The following CNTN5 variants were observed in gnomAD, a reference collection of about 807,000 sequenced individuals.
CNTN5 encodes contactin-5.
A neutral mutation model predicts 129.1 loss-of-function variants in CNTN5; 77 were observed. The observed-to-expected ratio is 0.60, with a 90% CI of 0.50 to 0.72. The LOEUF (loss-of-function observed/expected upper bound fraction) is 0.72, where lower values mean the gene tolerates loss of function less well. Ranked by LOEUF, CNTN5 falls within the 30% of genes least tolerant of loss-of-function variation. The pLI, the probability that CNTN5 is intolerant of heterozygous loss-of-function variation, is 0.00. For synonymous variants in CNTN5, 509 were observed against 465.6 expected (o/e 1.09, Z -1.20); for missense variants, 1,478 against 1,328.8 (o/e 1.11, Z -1.75).
intron 6 of CNTN5, among the ~76,000 whole-genome samples, chr11:99,900,319 T>A (rs1382548558): frequency 2.0e-5 from 3 of 151,772 alleles, no homozygotes; most frequent in African/African-American, 7.3e-5. Context: ...AAATCTTATA[T>A]TTTTTGTGTT....
At chr11:99,178,534 C>T (rs745708351) in intron 1 of CNTN5, among the ~76,000 whole-genome samples, 22 of 151,774 alleles carry the variant, frequency 1.4e-4, no homozygotes, top group Admixed American at 2.6e-4. Flanking sequence ...AAAAAGAGAA[C>T]GAAACCTAGC....
intron 3 of CNTN5, among the ~76,000 whole-genome samples, chr11:99,718,851 G>T (rs1943072378): frequency 6.6e-6 from 1 of 151,934 alleles, no homozygotes; most frequent in Non-Finnish European, 1.5e-5. Context: ...GAACTTAAAG[G>T]TCCTGTAGTA....
At chr11:99,977,125 G>A (rs1565745743) in intron 8 of CNTN5, among the ~76,000 whole-genome samples, 2 of 152,116 alleles carry the variant, frequency 1.3e-5, no homozygotes. Flanking sequence ...TAGGTCAGAG[G>A]CAAAATACCA....
intron 3 of CNTN5, among the ~76,000 whole-genome samples, chr11:99,582,466 T>C (rs1949640999): frequency 6.6e-6 from 1 of 152,208 alleles, no homozygotes; most frequent in African/African-American, 2.4e-5. Context: ...GGTACACCAA[T>C]TAGACATAGA....
chr11:100,288,342 T>G (rs1693973815), intron 18 of CNTN5, among the ~76,000 whole-genome samples: 1 of 152,030 alleles, frequency 6.6e-6, no homozygotes. Context: ...ATTCGAAAAT[T>G]GACCACATAC....
At chr11:99,922,632 C>T (rs1441595742) in intron 7 of CNTN5, among the ~76,000 whole-genome samples, 2 of 152,106 alleles carry the variant, frequency 1.3e-5, no homozygotes, top group African/African-American at 2.4e-5. Context: ...GTTTTACTTC[C>T]GTTTTTCAAA....
At chr11:99,374,148 A>G (rs1451343479) in intron 2 of CNTN5, among the ~76,000 whole-genome samples, 1 of 152,178 alleles carries the variant, frequency 6.6e-6, no homozygotes, top group African/African-American at 2.4e-5. Context: ...AATTTAATAG[A>G]CTCTAATTCT....
intron 1 of CNTN5, among the ~76,000 whole-genome samples, chr11:99,201,725 G>A (rs1859219523): frequency 1.3e-5 from 2 of 152,142 alleles, no homozygotes; most frequent in Non-Finnish European, 2.9e-5. Context: ...GAAAGGCACA[G>A]AGGATTCAAC....
intron 3 of CNTN5, among the ~76,000 whole-genome samples, chr11:99,743,585 G>A (rs1320467774): frequency 6.6e-6 from 1 of 152,098 alleles, no homozygotes; most frequent in Non-Finnish European, 1.5e-5. Flanking sequence ...AGTAATGAGT[G>A]TTTCTTACAC....
intron 16 of CNTN5, among the ~76,000 whole-genome samples, chr11:100,241,394 GATTA>G (rs1949738762): frequency 6.6e-6 from 1 of 152,072 alleles, no homozygotes; most frequent in Non-Finnish European, 1.5e-5. Flanking sequence ...TGGAAATCTT[GATTA>G]ATTTACCTTT....
intron 21 of CNTN5, among the ~76,000 whole-genome samples, chr11:100,318,589 T>A (rs1044341427): frequency 1.3e-5 from 2 of 152,162 alleles, no homozygotes; most frequent in African/African-American, 2.4e-5. Flanking sequence ...TTATTTTATT[T>A]TACAAATATT....
chr11:100,062,490 G>A (rs17094259), intron 10 of CNTN5, among the ~76,000 whole-genome samples: 24,503 of 152,044 alleles, frequency 0.16, 2,029 homozygotes, highest in Non-Finnish European at 0.17. Context: ...TAAGTGCCTC[G>A]TACTGCTCTA....
chr11:99,270,367 A>G lies in CNTN5; in HGVS notation c.-209-54979A>G, dbSNP rs951103048. 3.3e-5 allele frequency among the ~76,000 whole-genome samples: 5 copies of G among 151,980 alleles called. No individual in the cohort carries two copies. The East Asian group carries it at 7.8e-4, about 24-fold the overall frequency. On this transcript the variant is annotated intron_variant, in intron 1 of 24. Coordinates refer to ENST00000524871, the MANE Select transcript of CNTN5 (RefSeq NM_014361.4). ...AAATAAGCAAAACATCCCTGTCGTT[A>G]TGCTATAATTCTAAAAATTCATGAA...
At chr11:99,954,242 C>T (rs907849749) in intron 7 of CNTN5, among the ~76,000 whole-genome samples, 5 of 152,148 alleles carry the variant, frequency 3.3e-5, no homozygotes, top group South Asian at 2.1e-4. Flanking sequence ...ACTTTCATAA[C>T]GTAGATGCAC....
rs796619785 is a variant in CNTN5 at position 99,581,933 on chromosome 11, C to G, written c.55+25664C>G. ...TGCTTCCTAGCCTTGATGGTCTTTA[C>G]AATTTGGCATGTTTTTGCAGTGGCT... On this transcript the variant is annotated intron_variant, in intron 3 of 24. Transcript: ENST00000524871. Among the ~76,000 whole-genome samples the G allele has an allele frequency of 2.6e-5, 4 of 152,234 alleles. No homozygotes were observed. In the South Asian group the frequency reaches 8.3e-4, roughly 32 times the overall value.
At chr11:99,621,293 C>G (rs908790506) in intron 3 of CNTN5, among the ~76,000 whole-genome samples, 3 of 151,974 alleles carry the variant, frequency 2.0e-5, no homozygotes, top group Non-Finnish European at 4.4e-5. Context: ...TGTGGAAAAG[C>G]CTGGAGTCAG....
At chr11:99,842,675 A>G (rs1040783430) in intron 4 of CNTN5, among the ~76,000 whole-genome samples, 1 of 152,106 alleles carries the variant, frequency 6.6e-6, no homozygotes, top group African/African-American at 2.4e-5. Context: ...TTTTTTTCCC[A>G]CAGCGTAATT....
chr11:99,916,978 C>T (rs1412895442), intron 7 of CNTN5, among the ~76,000 whole-genome samples: 1 of 151,818 alleles, frequency 6.6e-6, no homozygotes, highest in Non-Finnish European at 1.5e-5. Context: ...GAGTGATGGC[C>T]ATATTTGTTT....
At chr11:100,149,076 A>AT (rs929653453) in intron 13 of CNTN5, among the ~76,000 whole-genome samples, 2 of 152,192 alleles carry the variant, frequency 1.3e-5, no homozygotes, top group African/African-American at 4.8e-5. Context: ...AAGTTAATAG[A>AT]TTTTAGGAAG....
Sources: allele counts gnomAD v4.1 joint callset (sites outside exome capture counted in the v4.1 genomes callset), GRCh38; gene constraint gnomAD v4.1.1; transcripts MANE v1.5; gene names NCBI Gene and HGNC (gene_info 2026-07-23, HGNC 2026-07-21).